KPNA6: variants seen among roughly 807,000 people sequenced by gnomAD.
KPNA6 encodes the protein importin subunit alpha-7.
Under a neutral mutation model 72.0 loss-of-function variants are expected in KPNA6, and 9 were observed. The ratio of observed to expected loss-of-function variants is 0.13; its 90% CI spans 0.08 to 0.22. The LOEUF (loss-of-function observed/expected upper bound fraction) is 0.22, where lower values mean the gene tolerates loss of function less well. Ranked by LOEUF, KPNA6 falls within the 10% of genes least tolerant of loss-of-function variation. KPNA6 has a pLI of 1.00. For missense variants in KPNA6, 374 were observed against 655.7 expected (o/e 0.57, Z 4.69); for synonymous variants, 219 against 242.1 (o/e 0.90, Z 0.89).
chr1:32,157,630 A>C (rs1455258360), intron 4 of KPNA6, among the ~76,000 whole-genome samples, 185 bp downstream of exon 4: 1 of 152,168 alleles, frequency 6.6e-6, no homozygotes, highest in Non-Finnish European at 1.5e-5. Context: ...GATGTCCTCT[A>C]TTCCCAGATA....
chr1:32,166,907 CAGCCTGGGTGACAG>C (rs1276019984), intron 11 of KPNA6, among the ~76,000 whole-genome samples: 1 of 152,132 alleles, frequency 6.6e-6, no homozygotes, highest in African/African-American at 2.4e-5. Flanking sequence ...CACTGCACTC[CAGCCTGGGTGACAG>C]AGCAAGACTG....
chr1:32,112,271 A>C (rs1557453207), intron 1 of KPNA6, among the ~76,000 whole-genome samples: 1 of 152,338 alleles, frequency 6.6e-6, no homozygotes, highest in East Asian at 1.9e-4. Context: ...AATAATACCC[A>C]ACACTTGTAT....
chr1:32,128,426 T>TATATACAC (rs1491304508), intron 1 of KPNA6, among the ~76,000 whole-genome samples: 17 of 99,166 alleles, frequency 1.7e-4, no homozygotes, highest in South Asian at 9.9e-4. Flanking sequence ...TATATATATA[T>TATATACAC]ACACACACAC....
chr1:32,137,682 A>G (rs1432556664), intron 1 of KPNA6, among the ~76,000 whole-genome samples: 1 of 152,226 alleles, frequency 6.6e-6, no homozygotes, highest in Non-Finnish European at 1.5e-5. Context: ...TTAATAATCT[A>G]GAAGTGAGAG....
At chr1:32,135,148 A>T (rs188352599) in intron 1 of KPNA6, among the ~76,000 whole-genome samples, 2 of 152,038 alleles carry the variant, frequency 1.3e-5, no homozygotes, top group African/African-American at 4.8e-5. Flanking sequence ...GCTCACCGCA[A>T]CCTCCACCTC....
Position 32,166,096 on chromosome 1 carries a change from G to A in KPNA6, c.991-9G>A, listed in dbSNP as rs367791337. On this transcript the variant is annotated splice_polypyrimidine_tract_variant and intron_variant, in intron 10 of 13. Transcript: ENST00000373625. ...TTTTCTTTTGTTTCCTGTGCTTTTG[G>A]TGTTCTAGGTCATTCTTAACTGTTC... 5 of 1,587,072 alleles carry A rather than the reference G, an allele frequency of 3.2e-6. No homozygotes were observed. The highest frequency in any genetic ancestry group is 4.3e-6 in the Non-Finnish European group (5 of 1,172,332).
chr1:32,152,473 T>G (rs1235750053), intron 1 of KPNA6, among the ~76,000 whole-genome samples: 2 of 152,236 alleles, frequency 1.3e-5, no homozygotes, highest in East Asian at 1.9e-4. Context: ...AAATCAAAAG[T>G]AATTAGATAT....
In KPNA6 at chr1:32,159,548, G is replaced by T; in HGVS notation, c.558+17G>T. 6.2e-7 allele frequency: 1 copy of T among 1,611,672 alleles called. No individual in the cohort carries two copies. Among genetic ancestry groups the T allele is most frequent in the Non-Finnish European group, 8.5e-7 (1 of 1,178,822 alleles). On this transcript the variant is annotated intron_variant, in intron 6 of 13. Coordinates refer to ENST00000373625, the MANE Select transcript of KPNA6 (RefSeq NM_012316.5). ...CAGGAACAGGTAATGCTTAGATTTG[G>T]TGTGATTCTTTATAGTACCTGTGGT...
chr1:32,160,545 A>C, intron 6 of KPNA6, 70 bp from the exon 7 acceptor site: 1 of 1,164,448 alleles, frequency 8.6e-7, no homozygotes, highest in Admixed American at 1.7e-5. Flanking sequence ...CTCACTTTGC[A>C]GTTGTGGCTA....
In KPNA6 at chr1:32,172,694, G is replaced by A. The variant is rs1366366709; in HGVS notation, c.*1800G>A. 2.3e-5 allele frequency: 4 copies of A among 170,278 alleles called. No individual in the cohort carries two copies. Among genetic ancestry groups the A allele is most frequent in the Non-Finnish European group, 5.0e-5 (4 of 80,500 alleles). The allele number at this position is 170,278 out of a possible 1,614,324, so 10.5% of individuals were successfully genotyped here. ...TATGATAGTAAAGCCCACCTGTTTG[G>A]ATGGGAGTAGAGGAAGTTGGTGTAG... On this transcript the variant is annotated 3_prime_UTR_variant, in exon 14 of 14. Transcript: ENST00000373625.
chr1:32,123,367 T>C (rs76430173), intron 1 of KPNA6, among the ~76,000 whole-genome samples: 2,336 of 152,264 alleles, frequency 0.015, 54 homozygotes, highest in African/African-American at 0.053. Flanking sequence ...ATAAACTCTG[T>C]ATCTTTTTAT....
At chr1:32,167,722 C>G (rs1054124794) in intron 12 of KPNA6, among the ~76,000 whole-genome samples, 14 of 151,970 alleles carry the variant, frequency 9.2e-5, no homozygotes, top group African/African-American at 3.4e-4. Context: ...AAAAATTAGC[C>G]GGGCGTGGTG....
At chr1:32,152,168 A>C (rs1319507590) in intron 1 of KPNA6, among the ~76,000 whole-genome samples, 1 of 152,014 alleles carries the variant, frequency 6.6e-6, no homozygotes, top group Non-Finnish European at 1.5e-5. Context: ...CATCTCTACA[A>C]AAAAAACGTA....
At chr1:32,118,970 A>ATG (rs749379355) in intron 1 of KPNA6, among the ~76,000 whole-genome samples, 6 of 127,364 alleles carry the variant, frequency 4.7e-5, no homozygotes, top group African/African-American at 1.5e-4. Context: ...CAAGCCATAT[A>ATG]TATGTGTGTG....
intron 1 of KPNA6, among the ~76,000 whole-genome samples, chr1:32,148,230 C>G (rs369493758): frequency 7.2e-5 from 11 of 152,026 alleles, no homozygotes; most frequent in African/African-American, 9.7e-5. Context: ...TTAGCCCCCC[C>G]ACTTGCTGGG....
At chr1:32,114,942 G>A (rs947295389) in intron 1 of KPNA6, among the ~76,000 whole-genome samples, 1 of 152,152 alleles carries the variant, frequency 6.6e-6, no homozygotes, top group Non-Finnish European at 1.5e-5. Flanking sequence ...CCGGGTTCAA[G>A]TAATTATGGT....
chr1:32,119,417 C>T (rs1641392525), intron 1 of KPNA6, among the ~76,000 whole-genome samples: 1 of 152,012 alleles, frequency 6.6e-6, no homozygotes. Flanking sequence ...TTGTCAGAAA[C>T]TCATACTTTT....
At chr1:32,140,508 A>G (rs190319088) in intron 1 of KPNA6, among the ~76,000 whole-genome samples, 2 of 152,350 alleles carry the variant, frequency 1.3e-5, no homozygotes, top group Admixed American at 1.3e-4. Context: ...TATTATATAT[A>G]CATCTGATAG....
At chr1:32,169,824 G>C in intron 12 of KPNA6, 58 bp from the exon 13 acceptor site, 4 of 1,490,610 alleles carry the variant, frequency 2.7e-6, no homozygotes, top group Non-Finnish European at 3.7e-6. Flanking sequence ...CAGAGCACCT[G>C]CCCAGCACTT....
Sources: gnomAD v4.1 joint callset for allele counts (sites outside exome capture counted in the v4.1 genomes callset) on GRCh38, gnomAD v4.1.1 for gene constraint, MANE v1.5 for transcripts, NCBI Gene and HGNC (gene_info 2026-07-23, HGNC 2026-07-21) for gene names.